Variants in LMNB2 observed in about 807,000 individuals in gnomAD.
The protein encoded by LMNB2 is lamin-B2.
Under a neutral mutation model 69.3 loss-of-function variants are expected in LMNB2, and 17 were observed. That is an observed-to-expected ratio of 0.25 (90% confidence interval 0.17 to 0.37). The LOEUF is 0.37. LMNB2 is among the 10% of genes least tolerant of loss of function. The pLI, the probability that LMNB2 is intolerant of heterozygous loss-of-function variation, is 1.00. For synonymous variants in LMNB2, 397 were observed against 389.3 expected (o/e 1.02, Z -0.23); for missense variants, 789 against 883.6 (o/e 0.89, Z 1.36).
intron 6 of LMNB2, 106 bp from the exon 7 acceptor site, chr19:2,434,621 A>G: frequency 6.6e-7 from 1 of 1,504,544 alleles, no homozygotes; most frequent in Non-Finnish European, 9.0e-7. Context: ...TGGGGCAGAG[A>G]CCAGGCCTGG....
intron 2 of LMNB2, among the ~76,000 whole-genome samples, chr19:2,439,758 A>C (rs1257272127): frequency 2.0e-5 from 3 of 146,502 alleles, no homozygotes; most frequent in African/African-American, 7.6e-5. Flanking sequence ...TTTGAGTTGG[A>C]GTTTCGCTCT....
chr19:2,431,422 C>G (rs886629884), intron 11 of LMNB2, 126 bp downstream of exon 11: 1 of 1,263,496 alleles, frequency 7.9e-7, no homozygotes, highest in African/African-American at 1.5e-5. Context: ...TGGCTTCACC[C>G]TGAGCCACGG....
At chr19:2,434,132 C>G in intron 7 of LMNB2, 27 bp from the exon 8 acceptor site, 3 of 1,569,338 alleles carry the variant, frequency 1.9e-6, no homozygotes, top group Admixed American at 1.8e-5. Flanking sequence ...GAAGGTGGGA[C>G]TGGTAGTGGG....
At chr19:2,452,358 C>A (rs1972031898) in intron 1 of LMNB2, among the ~76,000 whole-genome samples, 1 of 151,424 alleles carries the variant, frequency 6.6e-6, no homozygotes, top group South Asian at 2.1e-4. Flanking sequence ...CCCTTGAACC[C>A]AGGAGGTAGA....
intron 4 of LMNB2, among the ~76,000 whole-genome samples, 182 bp downstream of exon 4, chr19:2,437,981 G>A (rs930467154): frequency 6.6e-6 from 1 of 152,218 alleles, no homozygotes; most frequent in Non-Finnish European, 1.5e-5. Flanking sequence ...CGGGAAGACA[G>A]AGGCAGACAC....
chr19:2,436,951 C>G (rs544321829), intron 4 of LMNB2: 1 of 152,372 alleles, frequency 6.6e-6, no homozygotes, highest in Non-Finnish European at 1.5e-5. Context: ...CCTGGGCCCC[C>G]GCACAGAAGC....
rs369942106 is a variant in LMNB2, at chr19:2,433,902, G to A, written c.1406C>T (p.Ser469Leu). Residue 469 changes from serine to leucine, a missense_variant, in exon 8 of 12, where the codon TCG becomes TTG. Coordinates refer to ENST00000325327, the MANE Select transcript of LMNB2 (RefSeq NM_032737.4). Reference sequence around the variant, plus strand: ...CTCGATGCTGACGCTACCCGAGGCCGAGGCCTGCTGGGCCAGGTGGAAGCC... The same window carrying A: ...CTCGATGCTGACGCTACCCGAGGCCAAGGCCTGCTGGGCCAGGTGGAAGCC... Reference protein sequence around the residue: ...SGGFHLAQQASASGSVSIEEI... With the variant: ...SGGFHLAQQALASGSVSIEEI... The A allele has an allele frequency of 1.5e-4, 236 of 1,612,212 alleles. No homozygotes were observed. The highest frequency in any genetic ancestry group is 1.7e-4 in the Non-Finnish European group (200 of 1,179,400).
intron 2 of LMNB2, among the ~76,000 whole-genome samples, chr19:2,440,182 A>G (rs1341021525): frequency 6.7e-6 from 1 of 150,030 alleles, no homozygotes; most frequent in Non-Finnish European, 1.5e-5. Context: ...AATTCTACAG[A>G]TGGCTGTATC....
intron 1 of LMNB2, among the ~76,000 whole-genome samples, chr19:2,445,173 C>T (rs1013161585): frequency 6.6e-6 from 1 of 151,726 alleles, no homozygotes; most frequent in Non-Finnish European, 1.5e-5. Context: ...CCCCTGCCCC[C>T]ACCAGCCTTT....
intron 4 of LMNB2, among the ~76,000 whole-genome samples, chr19:2,436,001 T>C (rs1009620772): frequency 6.6e-6 from 1 of 151,002 alleles, no homozygotes; most frequent in African/African-American, 2.4e-5. Flanking sequence ...ATACAAAAAT[T>C]AGGCCGGGCA....
chr19:2,434,519 C>T lies in LMNB2; in HGVS notation c.982-4G>A, dbSNP rs370025312. 3.8e-4 allele frequency: 619 copies of T among 1,611,170 alleles called. 1 individual carries two copies. Among genetic ancestry groups the T allele is most frequent in the Non-Finnish European group, 4.9e-4 (580 of 1,179,788 alleles). On this transcript the variant is annotated splice_polypyrimidine_tract_variant and splice_region_variant and intron_variant, in intron 6 of 11. Coordinates refer to ENST00000325327, the MANE Select transcript of LMNB2 (RefSeq NM_032737.4). ...TGCGATCTTCAGCGGCACTGGCCTG[C>T]GGAGGGGGCGGGTGGCGAAGGTCAG...
chr19:2,443,278 G>A lies in LMNB2; in HGVS notation c.401+1126C>T, dbSNP rs1232431302. The stretch of plus-strand genomic sequence containing the variant: ...GGTGGTCCCTGGGCTGACCTGGAGG[G>A]TCTCCTGTTGGGGAAGGGAAGTCAG... On this transcript the variant is annotated intron_variant, in intron 2 of 11. Coordinates refer to ENST00000325327, the MANE Select transcript of LMNB2 (RefSeq NM_032737.4). The surrounding 1 kb of genome is among the most constrained non-coding windows in gnomAD (Gnocchi z 6.2). Among the ~76,000 whole-genome samples, 3 of 152,218 alleles carry A rather than the reference G, an allele frequency of 2.0e-5. No homozygotes were observed. The highest frequency in any genetic ancestry group is 4.4e-5 in the Non-Finnish European group (3 of 68,028).
At chr19:2,431,715 C>T (rs540663320) in intron 10 of LMNB2, 57 bp from the exon 11 acceptor site, 15 of 1,613,728 alleles carry the variant, frequency 9.3e-6, no homozygotes, top group African/African-American at 4.0e-5. Flanking sequence ...GCTGCTGTGG[C>T]GGCCCCGAGG....
intron 4 of LMNB2, among the ~76,000 whole-genome samples, chr19:2,436,565 C>G (rs1329667320): frequency 6.7e-6 from 1 of 148,598 alleles, no homozygotes; most frequent in Admixed American, 6.7e-5. Context: ...AGCCGCCCTC[C>G]CGCCTTCACG....
rs551605398 is a variant in LMNB2, at chr19:2,443,721, C to T, written c.401+683G>A. Among the ~76,000 whole-genome samples, 45 of 152,330 alleles carry T rather than the reference C, an allele frequency of 3.0e-4. 1 individual carries two copies. In the South Asian group the frequency reaches 8.9e-3, roughly 30 times the overall value. ...GCCTCACATCAAGAAAAGCCTTGAGCTCAGTGTTTCATTGGCCTCCTGGCT... is the reference window on the plus strand; with the variant it reads ...GCCTCACATCAAGAAAAGCCTTGAGTTCAGTGTTTCATTGGCCTCCTGGCT... On this transcript the variant is annotated intron_variant, in intron 2 of 11. Transcript: ENST00000325327. This position sits in a 1 kb window ranked among gnomAD's most constrained non-coding sequence, Gnocchi z 6.2.
chr19:2,435,459 G>A (rs558596300), intron 4 of LMNB2, among the ~76,000 whole-genome samples: 50 of 152,306 alleles, frequency 3.3e-4, no homozygotes, highest in African/African-American at 1.2e-3. Flanking sequence ...GCCACACGGT[G>A]CGTGATCCCA....
At position 2,429,266 on chromosome 19, in the gene LMNB2, C is replaced by G. The variant is rs1314048086; in HGVS notation, c.*1645G>C. 6.6e-6 allele frequency: 1 copy of G among 152,260 alleles called. No individual in the cohort carries two copies. Among genetic ancestry groups the G allele is most frequent in the Non-Finnish European group, 1.5e-5 (1 of 68,058 alleles). The allele number at this position is 152,260 out of a possible 1,614,324, so 9.4% of individuals were successfully genotyped here. A position where few individuals can be genotyped will look rare whatever the true frequency, so the allele number is the denominator to read the frequency against. On this transcript the variant is annotated 3_prime_UTR_variant, in exon 12 of 12. Coordinates refer to ENST00000325327, the MANE Select transcript of LMNB2 (RefSeq NM_032737.4). ...AGGACACAGTCTGTCGCCAGCATTC[C>G]CACTTCCAGCGGCTGGCAGAGGGTA...
intron 1 of LMNB2, among the ~76,000 whole-genome samples, chr19:2,445,549 C>T (rs1971945644): frequency 6.8e-6 from 1 of 147,750 alleles, no homozygotes; most frequent in South Asian, 2.2e-4. Context: ...CCACCTTTCA[C>T]CCCTCGATCA....
In LMNB2 at chr19:2,455,736, C is replaced by T. The variant is rs911695010; in HGVS notation, c.264+934G>A. On this transcript the variant is annotated intron_variant, in intron 1 of 11. Coordinates refer to ENST00000325327, the MANE Select transcript of LMNB2 (RefSeq NM_032737.4). ...AGAATGGGCCACTCCGGTCTGCACCCCTCCCAAGGGGTCCCCCAAGATCTC... is the reference window on the plus strand; with the variant it reads ...AGAATGGGCCACTCCGGTCTGCACCTCTCCCAAGGGGTCCCCCAAGATCTC... Among the ~76,000 whole-genome samples the T allele has an allele frequency of 4.6e-5, 7 of 152,152 alleles. No homozygotes were observed. In the South Asian group the frequency reaches 1.0e-3, roughly 23 times the overall value.
Sources: allele counts gnomAD v4.1 joint callset (sites outside exome capture counted in the v4.1 genomes callset), GRCh38; gene constraint gnomAD v4.1.1; non-coding constraint Gnocchi (gnomAD v3.1); transcripts MANE v1.5; gene names NCBI Gene and HGNC (gene_info 2026-07-23, HGNC 2026-07-21).